NBEA: variants seen among roughly 807,000 people sequenced by gnomAD.
NBEA encodes the protein lysosomal-trafficking regulator 2.
NBEA carries 44 observed loss-of-function variants against 343.4 expected under a neutral mutation model. That is an observed-to-expected ratio of 0.13 (90% CI 0.10 to 0.16). NBEA has a LOEUF of 0.16. Ranked by LOEUF, NBEA falls within the 10% of genes least tolerant of loss-of-function variation. NBEA has a pLI of 1.00. For synonymous variants in NBEA, 1,175 were observed against 1,238.7 expected, an observed-to-expected ratio of 0.95 and a Z score of 1.08; for missense variants, 2,555 against 3,631.3, an observed-to-expected ratio of 0.70 and a Z score of 7.62.
intron 10 of NBEA, among the ~76,000 whole-genome samples, chr13:35,083,725 A>G (rs1158298390): frequency 6.6e-6 from 1 of 152,146 alleles, no homozygotes; most frequent in Non-Finnish European, 1.5e-5. Context: ...ACCAGCTAAC[A>G]TCATAATGAC....
Position 35,428,754 on chromosome 13 carries a change from C to T in NBEA, c.6180-3515C>T, listed in dbSNP as rs1053625599. Among the ~76,000 whole-genome samples, 3 of 152,108 alleles carry T rather than the reference C, an allele frequency of 2.0e-5. No homozygotes were observed. In the East Asian group the frequency reaches 5.8e-4, roughly 29 times the overall value. ...TTTTTACATTCCCTTGGATATTTTC[C>T]AGGTTCTTGATATGACAAGTGATTT... On this transcript the variant is annotated intron_variant, in intron 38 of 58. Coordinates refer to ENST00000379939, the MANE Select transcript of NBEA (RefSeq NM_001385012.1).
At chr13:35,424,722 T>C (rs1373733911) in intron 38 of NBEA, among the ~76,000 whole-genome samples, 1 of 152,190 alleles carries the variant, frequency 6.6e-6, no homozygotes, top group Non-Finnish European at 1.5e-5. Flanking sequence ...TCAGAAGGAA[T>C]GGTACCAGCT....
At chr13:35,596,444 TAGTC>T (rs1386138085) in intron 47 of NBEA, among the ~76,000 whole-genome samples, 3 of 152,264 alleles carry the variant, frequency 2.0e-5, no homozygotes, top group East Asian at 1.9e-4. Flanking sequence ...TCTACTAACT[TAGTC>T]AGTTAATCAC....
chr13:35,110,338 A>G (rs1391693024), intron 12 of NBEA, among the ~76,000 whole-genome samples: 1 of 151,936 alleles, frequency 6.6e-6, no homozygotes, highest in African/African-American at 2.4e-5. Flanking sequence ...AAAGCGAACT[A>G]TATGTTATGG....
chr13:35,235,392 C>T (rs940610650), intron 34 of NBEA, among the ~76,000 whole-genome samples: 1 of 152,094 alleles, frequency 6.6e-6, no homozygotes, highest in Admixed American at 6.5e-5. Context: ...CTGTTGCTAT[C>T]TATCTTTTCC....
At chr13:34,986,924 G>A (rs1222398398) in intron 1 of NBEA, among the ~76,000 whole-genome samples, 3 of 150,792 alleles carry the variant, frequency 2.0e-5, no homozygotes, top group South Asian at 2.1e-4. Context: ...CATGGGATGG[G>A]TCTCCTGAAT....
At position 35,452,225 on chromosome 13, in the gene NBEA, C is replaced by T; in HGVS notation, c.6438C>T (p.Asp2146=). Residue 2146 remains aspartate (D), a synonymous_variant, in exon 40 of 59, where the codon GAC becomes GAT. Coordinates refer to ENST00000379939, the MANE Select transcript of NBEA (RefSeq NM_001385012.1). ...AVSLLQEKEI[D]NLAGPVVLST... ...GTCTGCTACAGGAGAAAGAAATTGA[C>T]AACCTTGCAGGTAAATTTTAAAATA... 2.5e-6 allele frequency: 4 copies of T among 1,574,210 alleles called. No individual in the cohort carries two copies. Among genetic ancestry groups the T allele is most frequent in the Non-Finnish European group, 3.4e-6 (4 of 1,159,766 alleles).
intron 34 of NBEA, among the ~76,000 whole-genome samples, chr13:35,259,031 A>G (rs1450290718): frequency 6.6e-6 from 1 of 152,224 alleles, no homozygotes; most frequent in African/African-American, 2.4e-5. Flanking sequence ...CGTTCAACTT[A>G]CAGTGGGCTT....
intron 4 of NBEA, among the ~76,000 whole-genome samples, chr13:35,047,995 A>T (rs2062925743): frequency 1.3e-5 from 2 of 151,694 alleles, no homozygotes; most frequent in South Asian, 4.1e-4. Flanking sequence ...TTATGAATGG[A>T]TCTGAATCCT....
chr13:35,041,183 G>A lies in NBEA; in HGVS notation c.526+19G>A, dbSNP rs763370290. ...ATAGCAGGTATGGGGTTGTCTGACA[G>A]GAAAGTATAACTTAAATGTTTATAA... On this transcript the variant is annotated intron_variant, in intron 2 of 58. Coordinates refer to ENST00000379939, the MANE Select transcript of NBEA (RefSeq NM_001385012.1). 28 of 1,580,814 alleles carry A rather than the reference G, an allele frequency of 1.8e-5. No homozygotes were observed. The highest frequency in any genetic ancestry group is 2.3e-5 in the Non-Finnish European group (27 of 1,153,494).
intron 33 of NBEA, 148 bp from the exon 34 acceptor site, chr13:35,232,344 A>C: frequency 1.8e-6 from 1 of 566,284 alleles, no homozygotes; most frequent in African/African-American, 1.9e-5. Context: ...GAAACTGTAC[A>C]GGGTATCCCT....
chr13:35,563,223 A>G (rs1287376226), intron 44 of NBEA, among the ~76,000 whole-genome samples: 6 of 151,896 alleles, frequency 4.0e-5, no homozygotes, highest in Non-Finnish European at 1.5e-5. Context: ...ACTGCTGGAA[A>G]AGGAAAGGAC....
At chr13:35,416,289 G>A (rs2043904544) in intron 38 of NBEA, among the ~76,000 whole-genome samples, 1 of 152,186 alleles carries the variant, frequency 6.6e-6, no homozygotes, top group South Asian at 2.1e-4. Flanking sequence ...GGAATGGTGA[G>A]AGAGCGCATC....
chr13:35,494,384 A>G (rs550756758), intron 41 of NBEA, among the ~76,000 whole-genome samples: 8 of 152,144 alleles, frequency 5.3e-5, no homozygotes, highest in South Asian at 2.1e-4. Flanking sequence ...GTAAGCAAAT[A>G]AGATCTAAAT....
chr13:35,037,126 C>T (rs1593540913), intron 1 of NBEA, among the ~76,000 whole-genome samples: 1 of 152,206 alleles, frequency 6.6e-6, no homozygotes, highest in East Asian at 1.9e-4. Flanking sequence ...TTCTAATAGC[C>T]TTTCTTCAAG....
At chr13:35,241,356 G>T (rs1193605683) in intron 34 of NBEA, among the ~76,000 whole-genome samples, 3 of 151,690 alleles carry the variant, frequency 2.0e-5, no homozygotes, top group African/African-American at 7.3e-5. Flanking sequence ...AGATCAATTG[G>T]ATTCCCTTTT....
At chr13:35,558,006 T>G (rs2079658397) in intron 44 of NBEA, among the ~76,000 whole-genome samples, 1 of 151,468 alleles carries the variant, frequency 6.6e-6, no homozygotes, top group Non-Finnish European at 1.5e-5. Flanking sequence ...AGTGTTAGAG[T>G]AGAAGGGAAT....
chr13:35,503,753 T>A (rs2076975253), intron 41 of NBEA, among the ~76,000 whole-genome samples: 1 of 152,104 alleles, frequency 6.6e-6, no homozygotes, highest in Non-Finnish European at 1.5e-5. Flanking sequence ...ATTGGATTAT[T>A]TATGTTATTG....
chr13:35,155,715 A>G lies in NBEA; in HGVS notation c.2446-59A>G, dbSNP rs2069126185. 1.5e-5 allele frequency: 20 copies of G among 1,317,018 alleles called. No individual in the cohort carries two copies. The South Asian group carries it at 1.7e-4, about 11-fold the overall frequency. The allele number at this position is 1,317,018 out of a possible 1,614,324, so 81.6% of individuals were successfully genotyped here. ...TTTTGCAGGTTCATTGTATATCTAT[A>G]TTTTGCAATTATTATTTAAATTGTT... On this transcript the variant is annotated intron_variant, in intron 18 of 58. Transcript: ENST00000379939.
Sources: gnomAD v4.1 joint callset for allele counts (sites outside exome capture counted in the v4.1 genomes callset) on GRCh38, gnomAD v4.1.1 for gene constraint, MANE v1.5 for transcripts, NCBI Gene and HGNC (gene_info 2026-07-23, HGNC 2026-07-21) for gene names.